Variants in GFRA1 observed in about 807,000 individuals in gnomAD.
GFRA1 encodes the protein GDNF family receptor alpha 1, also known as GDNF family receptor alpha-1.
Under a neutral mutation model 51.6 loss-of-function variants are expected in GFRA1, and 16 were observed. The ratio of observed to expected loss-of-function variants is 0.31; its 90% CI spans 0.21 to 0.47. The LOEUF (loss-of-function observed/expected upper bound fraction) is 0.47, where lower values mean the gene tolerates loss of function less well. Among genes scored for constraint, GFRA1 ranks in the 20% least tolerant of loss-of-function variants. The pLI, the probability that GFRA1 is intolerant of heterozygous loss-of-function variation, is 1.00. For synonymous variants in GFRA1, 270 were observed against 241.3 expected (o/e 1.12, Z -1.10); for missense variants, 530 against 594.3 (o/e 0.89, Z 1.13).
chr10:116,193,866 G>T (rs1431132262), intron 5 of GFRA1, among the ~76,000 whole-genome samples: 1 of 151,672 alleles, frequency 6.6e-6, no homozygotes, highest in Non-Finnish European at 1.5e-5. Context: ...GACCATCCTG[G>T]CTCTCTAAAA....
chr10:116,226,977 G>A (rs985307091), intron 4 of GFRA1, among the ~76,000 whole-genome samples: 57 of 152,098 alleles, frequency 3.7e-4, no homozygotes, highest in Admixed American at 3.9e-4. Context: ...AATGGGGAGC[G>A]GCTGTAAATA....
intron 4 of GFRA1, among the ~76,000 whole-genome samples, chr10:116,251,836 G>T (rs184132656): frequency 5.9e-5 from 9 of 152,198 alleles, no homozygotes; most frequent in African/African-American, 2.2e-4. Context: ...AAAAGGGGCT[G>T]GGAATGCAGT....
intron 4 of GFRA1, among the ~76,000 whole-genome samples, chr10:116,251,201 A>G (rs1194981885): frequency 3.3e-5 from 5 of 152,204 alleles, no homozygotes; most frequent in African/African-American, 1.2e-4. Flanking sequence ...CATCCTGTCC[A>G]TGCCAATGTC....
intron 4 of GFRA1, among the ~76,000 whole-genome samples, chr10:116,224,107 T>G (rs1430716308): frequency 2.6e-5 from 4 of 152,138 alleles, no homozygotes; most frequent in Admixed American, 1.3e-4. Flanking sequence ...AAAATAAGTC[T>G]CTGTTCTTTG....
chr10:116,204,316 T>TTA (rs772337838), intron 5 of GFRA1, among the ~76,000 whole-genome samples: 4 of 152,230 alleles, frequency 2.6e-5, no homozygotes, highest in African/African-American at 7.2e-5. Flanking sequence ...ATACACCTGG[T>TTA]TATATATATA....
rs1954913314 is a variant in GFRA1, at chr10:116,063,283, A to ACTT, written c.*1112_*1114dup. The ACTT allele has an allele frequency of 6.6e-6, 1 of 152,240 alleles. No homozygotes were observed. Among genetic ancestry groups the ACTT allele is most frequent in the Non-Finnish European group, 1.5e-5 (1 of 68,048 alleles). The allele number at this position is 152,240 out of a possible 1,614,324, so 9.4% of individuals were successfully genotyped here. The stretch of plus-strand genomic sequence containing the variant: ...TCCCTCCACAGGTATGCACGCTTGC[A>ACTT]CTTCGAGCAATGACAAAAGACAATG... On this transcript the variant is annotated 3_prime_UTR_variant, in exon 11 of 11. Coordinates refer to ENST00000355422, the MANE Select transcript of GFRA1 (RefSeq NM_005264.8).
At chr10:116,261,516 C>T (rs1424954778) in intron 4 of GFRA1, among the ~76,000 whole-genome samples, 2 of 152,174 alleles carry the variant, frequency 1.3e-5, no homozygotes, top group Non-Finnish European at 2.9e-5. Flanking sequence ...CTCATTTTCT[C>T]TTTTCCCCTG....
In GFRA1 at chr10:116,269,597, CAG is replaced by C. The variant is rs1445206675; in HGVS notation, c.335-13_335-12del. 1 of 1,521,550 alleles carries C rather than the reference CAG, an allele frequency of 6.6e-7. No homozygotes were observed. The highest frequency in any genetic ancestry group is 2.3e-5 in the East Asian group (1 of 44,408). The allele number at this position is 1,521,550 out of a possible 1,614,324, so 94.3% of individuals were successfully genotyped here. ...CCAGCAGATCATTTCCTAAAAACAA[CAG>C]AAAGATTGGGCTCAGATCAGAAAAA... On this transcript the variant is annotated splice_polypyrimidine_tract_variant and intron_variant, in intron 3 of 10. Coordinates refer to ENST00000355422, the MANE Select transcript of GFRA1 (RefSeq NM_005264.8).
chr10:116,180,050 A>C (rs1015789651), intron 5 of GFRA1, among the ~76,000 whole-genome samples: 2 of 152,212 alleles, frequency 1.3e-5, no homozygotes, highest in African/African-American at 4.8e-5. Flanking sequence ...TTGTCAAATG[A>C]ATTAGATTCC....
At chr10:116,201,662 C>A (rs79483241) in intron 5 of GFRA1, among the ~76,000 whole-genome samples, 39 of 152,280 alleles carry the variant, frequency 2.6e-4, no homozygotes, top group African/African-American at 9.1e-4. Context: ...ACAGCACCCA[C>A]AGACCAACCA....
intron 5 of GFRA1, among the ~76,000 whole-genome samples, chr10:116,154,016 G>C (rs1040646926): frequency 1.3e-5 from 2 of 152,086 alleles, no homozygotes; most frequent in Admixed American, 6.5e-5. Context: ...CATTACATCA[G>C]GGAAATGTAA....
At chr10:116,091,676 C>T (rs936515194) in intron 8 of GFRA1, among the ~76,000 whole-genome samples, 2 of 152,190 alleles carry the variant, frequency 1.3e-5, no homozygotes, top group African/African-American at 4.8e-5. Context: ...AGAGGTTTGG[C>T]TTAATCTGAA....
chr10:116,078,899 G>A (rs1388515052), intron 9 of GFRA1, among the ~76,000 whole-genome samples: 5 of 152,070 alleles, frequency 3.3e-5, no homozygotes, highest in East Asian at 1.9e-4. Context: ...TGGGCTCAGC[G>A]TTGACATGTC....
chr10:116,103,250 G>A (rs1352937683), intron 6 of GFRA1, among the ~76,000 whole-genome samples: 1 of 152,140 alleles, frequency 6.6e-6, no homozygotes, highest in Non-Finnish European at 1.5e-5. Flanking sequence ...TCCTCACCCA[G>A]AACCCAGAAT....
At position 116,272,419 on chromosome 10, in the gene GFRA1, G is replaced by A; in HGVS notation, c.-246-144C>T. On this transcript the variant is annotated intron_variant, in intron 1 of 10. Transcript: ENST00000355422. This position sits in a 1 kb window ranked among gnomAD's most constrained non-coding sequence, Gnocchi z 4.4. The stretch of plus-strand genomic sequence containing the variant: ...CACCCCCACCCAGGTCGGGGTGCAT[G>A]TGCGTGTTTTCCAGGGGCCGCTGAC... 1 of 338,636 alleles carries A rather than the reference G, an allele frequency of 3.0e-6. No individual in the cohort carries two copies. Among genetic ancestry groups the A allele is most frequent in the Non-Finnish European group, 5.6e-6 (1 of 178,446 alleles). 21.0% of individuals were successfully genotyped at this position (338,636 alleles called of 1,614,324 possible). A position where few individuals can be genotyped will look rare whatever the true frequency, so the allele number is the denominator to read the frequency against.
intron 4 of GFRA1, among the ~76,000 whole-genome samples, chr10:116,235,526 G>C (rs1966857239): frequency 6.6e-6 from 1 of 152,118 alleles, no homozygotes; most frequent in Non-Finnish European, 1.5e-5. Context: ...ACCCCTGGAA[G>C]ATTCTGCCTG....
At position 116,065,561 on chromosome 10, in the gene GFRA1, A is replaced by AAAC; in HGVS notation, c.1251+9_1251+11dup. The stretch of plus-strand genomic sequence containing the variant: ...TATAAATGCACGAAGCCTCCAAAAG[A>AAAC]AACATACTTACATTGGAAATACAGA... On this transcript the variant is annotated intron_variant, in intron 10 of 10. Coordinates refer to ENST00000355422, the MANE Select transcript of GFRA1 (RefSeq NM_005264.8). 2 of 1,609,128 alleles carry AAAC rather than the reference A, an allele frequency of 1.2e-6. No homozygotes were observed. The highest frequency in any genetic ancestry group is 1.7e-6 in the Non-Finnish European group (2 of 1,175,494).
intron 5 of GFRA1, among the ~76,000 whole-genome samples, chr10:116,178,317 C>CCCTCAAA (rs1363171861): frequency 1.3e-5 from 2 of 150,996 alleles, no homozygotes; most frequent in Admixed American, 6.6e-5. Context: ...CGTTTTACTC[C>CCCTCAAA]CCTCAAACTC....
At chr10:116,123,794 A>C (rs1433565379) in intron 6 of GFRA1, among the ~76,000 whole-genome samples, 1 of 152,190 alleles carries the variant, frequency 6.6e-6, no homozygotes, top group East Asian at 1.9e-4. Flanking sequence ...GGAAGGACAC[A>C]CATGAAATGG....
Sources: allele counts gnomAD v4.1 joint callset (sites outside exome capture counted in the v4.1 genomes callset), GRCh38; gene constraint gnomAD v4.1.1; non-coding constraint Gnocchi (gnomAD v3.1); transcripts MANE v1.5; gene names NCBI Gene and HGNC (gene_info 2026-07-23, HGNC 2026-07-21).